Variants in DOCK1 observed in about 807,000 individuals in gnomAD.
DOCK1 encodes dedicator of cytokinesis 1.
DOCK1 carries 138 observed loss-of-function variants against 262.7 expected under a neutral mutation model. The observed-to-expected ratio is 0.53, with a 90% CI of 0.46 to 0.61. DOCK1 has a LOEUF of 0.61. DOCK1 is among the 20% of genes least tolerant of loss of function. The pLI is 0.00. For synonymous variants in DOCK1, 866 were observed against 867.4 expected (o/e 1.00, Z 0.03); for missense variants, 1,908 against 2,370.7 (o/e 0.80, Z 4.05).
At chr10:127,345,203 T>A (rs1025525904) in intron 31 of DOCK1, among the ~76,000 whole-genome samples, 1 of 152,240 alleles carries the variant, frequency 6.6e-6, no homozygotes, top group Non-Finnish European at 1.5e-5. Context: ...AAGCAAAGCA[T>A]GAGTATATTT....
At chr10:127,317,943 G>A (rs911647079) in intron 29 of DOCK1, among the ~76,000 whole-genome samples, 3 of 152,184 alleles carry the variant, frequency 2.0e-5, no homozygotes, top group Non-Finnish European at 4.4e-5. Flanking sequence ...AAAGAAGATA[G>A]TGGCCTTAGG....
intron 25 of DOCK1, among the ~76,000 whole-genome samples, chr10:127,113,502 G>T (rs1255461638): frequency 6.6e-6 from 1 of 152,214 alleles, no homozygotes; most frequent in Non-Finnish European, 1.5e-5. Flanking sequence ...CTGTTTGCAA[G>T]AGGCTGGCAG....
At chr10:127,392,983 A>C (rs1305786123) in intron 38 of DOCK1, among the ~76,000 whole-genome samples, 1 of 152,218 alleles carries the variant, frequency 6.6e-6, no homozygotes, top group African/African-American at 2.4e-5. Flanking sequence ...TGACTACAGC[A>C]GTTTATTAAG....
chr10:126,977,972 GA>G lies in DOCK1; in HGVS notation c.161del (p.Lys54SerfsTer18). On this transcript the variant is annotated frameshift_variant, in exon 3 of 52. Transcript: ENST00000623213. LOFTEE classifies it high-confidence loss of function. Reference sequence around the variant, plus strand: ...GGGTGGTACCGAGGTTACACGTTACGAAAAAAGTCTAAGAAGGTAAGTCCTT... The same window carrying G: ...GGGTGGTACCGAGGTTACACGTTACGAAAAAGTCTAAGAAGGTAAGTCCTT... ...YEGWYRGYTL[R>X]KKSKKGIFPA... is the part of the protein sequence containing the mutation. The G allele has an allele frequency of 6.2e-7, 1 of 1,613,746 alleles. No homozygotes were observed. The highest frequency in any genetic ancestry group is 8.5e-7 in the Non-Finnish European group (1 of 1,179,806).
intron 33 of DOCK1, among the ~76,000 whole-genome samples, chr10:127,364,411 G>C (rs2064778350): frequency 6.6e-6 from 1 of 152,084 alleles, no homozygotes; most frequent in South Asian, 2.1e-4. Flanking sequence ...TCTGTTGCCA[G>C]GCAGGAATGC....
chr10:127,446,787 A>AT lies in DOCK1; in HGVS notation c.5414-601dup, dbSNP rs1260185501. Among the ~76,000 whole-genome samples, 1 of 152,094 alleles carries AT rather than the reference A, an allele frequency of 6.6e-6. No individual in the cohort carries two copies. Among genetic ancestry groups the AT allele is most frequent in the Non-Finnish European group, 1.5e-5 (1 of 68,016 alleles). ...ATTATTCCTCCGTTTGAAAACGGCT[A>AT]TTTTTTCCAGTTTACTTTAAAAATC... On this transcript the variant is annotated intron_variant, in intron 50 of 51. Transcript: ENST00000623213. The surrounding 1 kb of genome is among the most constrained non-coding windows in gnomAD (Gnocchi z 4.4).
At chr10:127,085,424 A>G (rs1480643406) in intron 23 of DOCK1, among the ~76,000 whole-genome samples, 2 of 152,222 alleles carry the variant, frequency 1.3e-5, no homozygotes, top group Admixed American at 6.5e-5. Context: ...ATAAAACAAC[A>G]AATACCCACT....
At chr10:126,978,220 A>G (rs974378169) in intron 3 of DOCK1, among the ~76,000 whole-genome samples, 4 of 152,186 alleles carry the variant, frequency 2.6e-5, no homozygotes, top group Admixed American at 1.3e-4. Context: ...TTTGTGATAT[A>G]GTGTTGGCCT....
intron 1 of DOCK1, among the ~76,000 whole-genome samples, chr10:126,914,842 G>C (rs2032273288): frequency 6.6e-6 from 1 of 152,186 alleles, no homozygotes; most frequent in Non-Finnish European, 1.5e-5. Context: ...GGGAGGGTGA[G>C]CAGGGGCTCT....
intron 1 of DOCK1, among the ~76,000 whole-genome samples, chr10:126,932,907 G>A (rs1267553476): frequency 6.6e-6 from 1 of 152,124 alleles, no homozygotes; most frequent in Admixed American, 6.6e-5. Context: ...GTCAGCTCCT[G>A]GCCAACTCCT....
intron 10 of DOCK1, chr10:127,000,832 T>A (rs2040539176): frequency 6.7e-6 from 1 of 149,804 alleles, no homozygotes; most frequent in Non-Finnish European, 1.4e-5. Context: ...GCCATGTTGG[T>A]GCTCTTTCTC....
intron 31 of DOCK1, among the ~76,000 whole-genome samples, chr10:127,352,135 A>G (rs1448846861): frequency 1.4e-5 from 2 of 147,038 alleles, no homozygotes; most frequent in African/African-American, 5.0e-5. Context: ...CACCCAAGGG[A>G]GAAGCACTGT....
intron 27 of DOCK1, among the ~76,000 whole-genome samples, chr10:127,220,987 T>A (rs2058414576): frequency 6.6e-6 from 1 of 152,204 alleles, no homozygotes; most frequent in Non-Finnish European, 1.5e-5. Context: ...AACTGTGCAC[T>A]CACCAGTTTA....
intron 29 of DOCK1, among the ~76,000 whole-genome samples, chr10:127,311,089 T>A (rs560635506): frequency 2.0e-5 from 3 of 152,308 alleles, no homozygotes; most frequent in African/African-American, 4.8e-5. Flanking sequence ...CTTCCCAGAC[T>A]TCATTGAGCA....
Position 127,012,563 on chromosome 10 carries a change from A to G in DOCK1, c.1201+189A>G, listed in dbSNP as rs142272464. ...GTGCATGATGGTTTTCTTGCCCGTC[A>G]CCTTTGTGAACATTGCTGAGAGCCC... is the stretch of plus-strand genomic sequence containing the variant. On this transcript the variant is annotated intron_variant, in intron 12 of 51. Coordinates refer to ENST00000623213, the MANE Select transcript of DOCK1 (RefSeq NM_001290223.2). The surrounding 1 kb of genome is among the most constrained non-coding windows in gnomAD (Gnocchi z 4.0). Among the ~76,000 whole-genome samples, 1 of 152,184 alleles carries G rather than the reference A, an allele frequency of 6.6e-6. No individual in the cohort carries two copies. Among genetic ancestry groups the G allele is most frequent in the East Asian group, 1.9e-4 (1 of 5,162 alleles).
intron 43 of DOCK1, among the ~76,000 whole-genome samples, chr10:127,413,770 C>T (rs1269806231): frequency 6.6e-6 from 1 of 152,150 alleles, no homozygotes; most frequent in Non-Finnish European, 1.5e-5. Context: ...CTGAGGGAGC[C>T]GTCCCCATGG....
chr10:127,029,138 C>G (rs933549254), intron 16 of DOCK1, among the ~76,000 whole-genome samples: 7 of 152,198 alleles, frequency 4.6e-5, no homozygotes, highest in African/African-American at 1.7e-4. Flanking sequence ...CCCAACATAC[C>G]AGGACACATC....
At chr10:127,112,842 C>T (rs1477812368) in intron 25 of DOCK1, among the ~76,000 whole-genome samples, 3 of 152,152 alleles carry the variant, frequency 2.0e-5, no homozygotes, top group African/African-American at 7.2e-5. Flanking sequence ...AGAAGCATTT[C>T]GGAATGCTTT....
intron 1 of DOCK1, among the ~76,000 whole-genome samples, chr10:126,909,869 C>T (rs2031507377): frequency 1.3e-5 from 2 of 152,152 alleles, no homozygotes; most frequent in Non-Finnish European, 1.5e-5. Flanking sequence ...CTTCTGTGTG[C>T]GGTTAACGGG....
Sources: allele counts gnomAD v4.1 joint callset (sites outside exome capture counted in the v4.1 genomes callset), GRCh38; gene constraint gnomAD v4.1.1; non-coding constraint Gnocchi (gnomAD v3.1); transcripts MANE v1.5; gene names NCBI Gene and HGNC (gene_info 2026-07-23, HGNC 2026-07-21).